The following EMC3 variants were observed in gnomAD, a reference collection of about 807,000 sequenced individuals.
The protein encoded by EMC3 is ER membrane protein complex subunit 3.
Under a neutral mutation model 36.6 loss-of-function variants are expected in EMC3, and 13 were observed. The observed-to-expected ratio is 0.35, with a 90% CI of 0.23 to 0.56. The LOEUF is 0.56. Ranked by LOEUF, EMC3 falls within the 20% of genes least tolerant of loss-of-function variation. EMC3 has a pLI of 0.84. For synonymous variants in EMC3, 120 were observed against 111.9 expected (o/e 1.07, Z -0.46); for missense variants, 220 against 324.5 (o/e 0.68, Z 2.47).
upstream of EMC3, chr3:9,987,732 T>C: frequency 4.8e-6 from 2 of 420,550 alleles, no homozygotes; most frequent in South Asian, 4.7e-5. Flanking sequence ...ATTTTGGATA[T>C]GACATTCTAC....
At chr3:9,966,501 G>T (rs764708675) in intron 7 of EMC3, among the ~76,000 whole-genome samples, 1 of 148,422 alleles carries the variant, frequency 6.7e-6, no homozygotes, top group South Asian at 2.2e-4. Context: ...GATTACAGGC[G>T]TGAGCCACCA....
chr3:9,992,375 C>T (rs953320208), intron 1 of EMC3, among the ~76,000 whole-genome samples: 11 of 152,112 alleles, frequency 7.2e-5, no homozygotes, highest in African/African-American at 2.7e-4. Context: ...ATATGTGTAC[C>T]TCAGCCTCCC....
intron 3 of EMC3, among the ~76,000 whole-genome samples, chr3:9,976,755 C>G (rs561496843): frequency 6.6e-6 from 1 of 152,168 alleles, no homozygotes; most frequent in Non-Finnish European, 1.5e-5. Flanking sequence ...CCACTTTATA[C>G]ATTGGGGTTC....
chr3:9,981,724 T>G (rs1334872788), intron 1 of EMC3: 2 of 436,602 alleles, frequency 4.6e-6, no homozygotes, highest in African/African-American at 2.1e-5. Flanking sequence ...TGTGAGCCAT[T>G]GCACCAGGCC....
At chr3:10,003,708 C>T (rs559301340) in intron 1 of EMC3, 11 of 174,994 alleles carry the variant, frequency 6.3e-5, no homozygotes, top group South Asian at 1.3e-4. Context: ...CAATATTGTA[C>T]GGTTGTATCA....
intron 1 of EMC3, 50 bp downstream of exon 1, chr3:9,986,457 G>C: frequency 6.3e-7 from 1 of 1,595,704 alleles, no homozygotes; most frequent in Non-Finnish European, 8.5e-7. Context: ...GCACTTTTTT[G>C]CCCAAGGTCA....
Position 10,001,343 on chromosome 3 carries a change from C to T in EMC3, c.-242+9680G>A, listed in dbSNP as rs373268404. On this transcript the variant is annotated intron_variant, in intron 1 of 8. Coordinates refer to the EMC3 transcript ENST00000470827. ...TTGGGGGGCCGAGGTGGGCGGATCACGAGGTCAGGAGATCGAGACCATCCT... is the reference window on the plus strand; with the variant it reads ...TTGGGGGGCCGAGGTGGGCGGATCATGAGGTCAGGAGATCGAGACCATCCT... Among the ~76,000 whole-genome samples, 17 of 147,242 alleles carry T rather than the reference C, an allele frequency of 1.2e-4. No individual in the cohort carries two copies. In the East Asian group the frequency reaches 3.2e-3, roughly 27 times the overall value.
At chr3:9,997,855 A>T (rs1180686551) in intron 1 of EMC3, among the ~76,000 whole-genome samples, 2 of 152,048 alleles carry the variant, frequency 1.3e-5, no homozygotes, top group African/African-American at 4.8e-5. Flanking sequence ...TAATGTTGCT[A>T]TGAGTATTGG....
intron 7 of EMC3, chr3:9,969,421 G>T: frequency 2.3e-6 from 3 of 1,277,032 alleles, no homozygotes; most frequent in Non-Finnish European, 3.0e-6. Context: ...GTTCAAAAAG[G>T]TTCAAATTAT....
intron 1 of EMC3, chr3:10,002,845 G>A (rs775873666): frequency 4.4e-6 from 2 of 455,752 alleles, no homozygotes; most frequent in Non-Finnish European, 8.8e-6. Context: ...CAGTAGTGCA[G>A]ACCCAGAAAC....
rs1307948432 is a variant in EMC3 at position 9,984,626 on chromosome 3, C to T, written c.155+1881G>A. Among the ~76,000 whole-genome samples the T allele has an allele frequency of 3.9e-5, 6 of 152,124 alleles. 1 individual carries two copies. The highest frequency in any genetic ancestry group is 4.1e-4 in the South Asian group (2 of 4,834). ...CAGGATGGTCTCGATCTCCTGACCTCGTGATCCGTCCGCCTCGGCCTCCCA... is the reference window on the plus strand; with the variant it reads ...CAGGATGGTCTCGATCTCCTGACCTTGTGATCCGTCCGCCTCGGCCTCCCA... On this transcript the variant is annotated intron_variant, in intron 1 of 7. Transcript: ENST00000245046.
chr3:9,973,046 T>G (rs2085804414), intron 5 of EMC3, among the ~76,000 whole-genome samples: 1 of 151,406 alleles, frequency 6.6e-6, no homozygotes, highest in Non-Finnish European at 1.5e-5. Flanking sequence ...GCCAGGATGG[T>G]CTCAATCTGA....
intron 5 of EMC3, among the ~76,000 whole-genome samples, chr3:9,972,863 C>G (rs2085802134): frequency 6.8e-6 from 1 of 148,028 alleles, no homozygotes; most frequent in South Asian, 2.1e-4. Context: ...GAGTCTCACT[C>G]TGTCGCCCAG....
chr3:9,988,552 T>G, upstream of EMC3: 1 of 881,520 alleles, frequency 1.1e-6, no homozygotes, highest in South Asian at 1.3e-5. Flanking sequence ...CTGAGGTAGA[T>G]TGAAATAAAA....
intron 2 of EMC3, 123 bp downstream of exon 2, chr3:9,977,266 G>A: frequency 1.1e-6 from 1 of 946,470 alleles, no homozygotes. Flanking sequence ...AACACCACCA[G>A]GCCACAGCTT....
intron 1 of EMC3, among the ~76,000 whole-genome samples, chr3:9,995,799 G>A (rs988188063): frequency 6.6e-6 from 1 of 151,728 alleles, no homozygotes; most frequent in Non-Finnish European, 1.5e-5. Context: ...CACCACAATC[G>A]GCTGATTTTT....
chr3:9,964,081 G>C lies in EMC3; in HGVS notation c.774C>G (p.Thr258=). ...FEGMFKKELQ[T]SIF Reference sequence around the variant, plus strand: ...CCCTGCTCGGTCTTCAAAAAATAGAGGTCTGTAATTCCTTTTTGAACATGC... The same window carrying C: ...CCCTGCTCGGTCTTCAAAAAATAGACGTCTGTAATTCCTTTTTGAACATGC... The change falls in exon 8 of 8, where the codon ACC becomes ACG. Residue 258 remains threonine (T), a synonymous_variant. Transcript: ENST00000245046. 1 of 1,614,066 alleles carries C rather than the reference G, an allele frequency of 6.2e-7. No individual in the cohort carries two copies. Among genetic ancestry groups the C allele is most frequent in the South Asian group, 1.1e-5 (1 of 91,076 alleles).
rs377016995 is a variant in EMC3 at position 10,000,227 on chromosome 3, CG to C, written c.-242+10795del. Among the ~76,000 whole-genome samples the C allele has an allele frequency of 4.1e-3, 622 of 151,912 alleles. 5 individuals carry two copies. The highest frequency in any genetic ancestry group is 0.014 in the African/African-American group (580 of 41,406). ...CTAATTTTTGTATTTTTAGTAGAGA[CG>C]GGGGTTTCACCATGTTGGCCAGGCT... On this transcript the variant is annotated intron_variant, in intron 1 of 8. Coordinates refer to the EMC3 transcript ENST00000470827.
chr3:9,990,386 G>A (rs2086034775), upstream of EMC3, among the ~76,000 whole-genome samples: 2 of 142,190 alleles, frequency 1.4e-5, no homozygotes, highest in African/African-American at 2.7e-5. Flanking sequence ...CGAAGGTGGA[G>A]TGCGGTGACA....
Sources: gnomAD v4.1 joint callset for allele counts (sites outside exome capture counted in the v4.1 genomes callset) on GRCh38, gnomAD v4.1.1 for gene constraint, MANE v1.5 for transcripts, NCBI Gene and HGNC (gene_info 2026-07-23, HGNC 2026-07-21) for gene names.